The following SCNN1G variants were observed in gnomAD, a reference collection of about 807,000 sequenced individuals.
SCNN1G encodes the protein epithelial sodium channel subunit gamma.
SCNN1G carries 27 observed loss-of-function variants against 64.6 expected under a neutral mutation model. That is an observed-to-expected ratio of 0.42 (90% confidence interval 0.31 to 0.58). SCNN1G has a LOEUF of 0.58. Among genes scored for constraint, SCNN1G ranks in the 20% least tolerant of loss-of-function variants. The pLI, the probability that SCNN1G is intolerant of heterozygous loss-of-function variation, is 0.18. For synonymous variants in SCNN1G, 330 were observed against 314.2 expected, an observed-to-expected ratio of 1.05 and a Z score of -0.53; for missense variants, 743 against 823.4, an observed-to-expected ratio of 0.90 and a Z score of 1.19.
At position 23,183,664 on chromosome 16, in the gene SCNN1G, C is replaced by T. The variant is rs139698727; in HGVS notation, c.-45+851C>T. Among the ~76,000 whole-genome samples, 1,512 of 152,118 alleles carry T rather than the reference C, an allele frequency of 9.9e-3. 11 individuals are homozygous for T. Among genetic ancestry groups the T allele is most frequent in the South Asian group, 0.045 (217 of 4,810 alleles). On this transcript the variant is annotated intron_variant, in intron 1 of 12. Transcript: ENST00000300061. ...AACCTCTGTGCCTCAGTTTCCTTCT[C>T]TGTGAAATGGGCCAAGTAATAGCAC...
chr16:23,211,492 C>T lies in SCNN1G; in HGVS notation c.1177-542C>T, dbSNP rs192669838. On this transcript the variant is annotated intron_variant, in intron 7 of 12. Coordinates refer to ENST00000300061, the MANE Select transcript of SCNN1G (RefSeq NM_001039.4). ...AACTACTGCAGCCCCAGCTCAGCCC[C>T]ATCTCCATATCTCAGTTAGTCTAAA... 2.0e-4 allele frequency among the ~76,000 whole-genome samples: 31 copies of T among 152,320 alleles called. No individual in the cohort carries two copies. In the East Asian group the frequency reaches 5.6e-3, roughly 27 times the overall value.
rs1305857819 is a variant in SCNN1G, at chr16:23,215,841, GTTTCACCCACACT to G, written c.*373_*385del. On this transcript the variant is annotated 3_prime_UTR_variant, in exon 13 of 13. Transcript: ENST00000300061. ...CTCTTCCAAAGCCCCAAAGCCGAGG[GTTTCACCCACACT>G]GCCAGCCTGGGTTGGGGCCCAAGGA... 1 of 316,496 alleles carries G rather than the reference GTTTCACCCACACT, an allele frequency of 3.2e-6. No individual in the cohort carries two copies. The allele number at this position is 316,496 out of a possible 1,614,324, so 19.6% of individuals were successfully genotyped here. A position where few individuals can be genotyped will look rare whatever the true frequency, so the allele number is the denominator to read the frequency against.
intron 6 of SCNN1G, among the ~76,000 whole-genome samples, chr16:23,204,170 T>G (rs1959938574): frequency 6.7e-5 from 10 of 150,298 alleles, no homozygotes. Context: ...TCCCAGCTAC[T>G]TGGGAGGCTC....
chr16:23,193,244 G>A (rs1959741013), intron 4 of SCNN1G, among the ~76,000 whole-genome samples: 1 of 152,156 alleles, frequency 6.6e-6, no homozygotes, highest in Non-Finnish European at 1.5e-5. Flanking sequence ...GATGGAGGGA[G>A]GGATGGGAGG....
chr16:23,193,790 T>C (rs931440494), intron 4 of SCNN1G, among the ~76,000 whole-genome samples: 1 of 150,864 alleles, frequency 6.6e-6, no homozygotes, highest in African/African-American at 2.5e-5. Flanking sequence ...TCCAAAGTCA[T>C]GTAAGGGCAC....
intron 2 of SCNN1G, among the ~76,000 whole-genome samples, chr16:23,188,621 A>C (rs1250531301): frequency 6.6e-6 from 1 of 152,176 alleles, no homozygotes; most frequent in African/African-American, 2.4e-5. Context: ...CGTTTTACAA[A>C]GGAGAATGCT....
intron 12 of SCNN1G, 96 bp downstream of exon 12, chr16:23,214,883 G>A (rs1235163802): frequency 5.9e-6 from 7 of 1,188,308 alleles, no homozygotes; most frequent in Non-Finnish European, 7.5e-6. Flanking sequence ...GGGGGTTCCA[G>A]CCTACTCTAG....
In SCNN1G at chr16:23,202,442, AAAT is replaced by A. The variant is rs574731190; in HGVS notation, c.1077+5019_1077+5021del. On this transcript the variant is annotated intron_variant, in intron 6 of 12. Transcript: ENST00000300061. The stretch of plus-strand genomic sequence containing the variant: ...CAGAAGCTACTGGAGAAGGCTTTCT[AAAT>A]AATGGATTTAGAAGGACAAGTGCAG... Among the ~76,000 whole-genome samples the A allele has an allele frequency of 2.8e-3, 423 of 152,286 alleles. 1 individual carries two copies. Among genetic ancestry groups the A allele is most frequent in the Non-Finnish European group, 3.9e-3 (268 of 68,022 alleles).
At chr16:23,203,767 C>T (rs1959931304) in intron 6 of SCNN1G, among the ~76,000 whole-genome samples, 2 of 37,890 alleles carry the variant, frequency 5.3e-5, no homozygotes, top group Non-Finnish European at 9.3e-5. Flanking sequence ...GAGACTCCGT[C>T]TCAAAAAAAA....
intron 6 of SCNN1G, among the ~76,000 whole-genome samples, chr16:23,203,800 C>T (rs923694366): frequency 2.2e-5 from 3 of 133,458 alleles, no homozygotes; most frequent in African/African-American, 8.2e-5. Context: ...AAAAAAAGAG[C>T]TCTGATGGCT....
chr16:23,193,001 G>A (rs9937430), intron 4 of SCNN1G, among the ~76,000 whole-genome samples: 1,641 of 148,598 alleles, frequency 0.011, 26 homozygotes, highest in African/African-American at 0.035. Flanking sequence ...CCCGGGAGGC[G>A]GAGGTTGCAA....
At chr16:23,186,156 C>A in intron 1 of SCNN1G, 72 bp from the exon 2 acceptor site, 1 of 936,782 alleles carries the variant, frequency 1.1e-6, no homozygotes, top group Non-Finnish European at 1.7e-6. Context: ...GTTTCCCAGA[C>A]TGTGGTCTCC....
chr16:23,209,265 C>A (rs765275582), intron 6 of SCNN1G, among the ~76,000 whole-genome samples: 1 of 152,130 alleles, frequency 6.6e-6, no homozygotes, highest in Non-Finnish European at 1.5e-5. Context: ...GTAGCTGTGA[C>A]TACAGGTGTG....
Position 23,189,629 on chromosome 16 carries a change from T to A in SCNN1G, c.576T>A (p.Asn192Lys), listed in dbSNP as rs1001641230. 4 of 1,614,092 alleles carry A rather than the reference T, an allele frequency of 2.5e-6. No homozygotes were observed. Among genetic ancestry groups the A allele is most frequent in the African/African-American group, 2.7e-5 (2 of 74,948 alleles). The stretch of plus-strand genomic sequence containing the variant: ...GTAGCATCATTCACAAGGCTTCAAA[T>A]GTCATGCACATCGAGTCCAAGCAAG... ...VGGSIIHKASNVMHIESKQVV... is the reference protein window; with the variant it reads ...VGGSIIHKASKVMHIESKQVV... Residue 192 changes from asparagine to lysine, a missense_variant, in exon 3 of 13, where the codon AAT (asparagine) becomes AAA (lysine). Transcript: ENST00000300061.
At chr16:23,213,012 G>C in intron 10 of SCNN1G, 90 bp from the exon 11 acceptor site, 3 of 1,528,784 alleles carry the variant, frequency 2.0e-6, no homozygotes, top group Non-Finnish European at 1.8e-6. Flanking sequence ...ACCTTGTGGA[G>C]GCTGGGGGAC....
chr16:23,202,271 G>T (rs917232744), intron 6 of SCNN1G, among the ~76,000 whole-genome samples: 3 of 148,958 alleles, frequency 2.0e-5, no homozygotes, highest in East Asian at 3.9e-4. Context: ...TGGGTGGATG[G>T]ATGGATGGAT....
In SCNN1G at chr16:23,192,351, G is replaced by T; in HGVS notation, c.619-1G>T. ...AGCCTCGCATCTCCTCTTATTCACA[G>T]TGCTCAAATGACACCTCCGACTGTG... On this transcript the variant is annotated splice_acceptor_variant, in intron 3 of 12. Coordinates refer to ENST00000300061, the MANE Select transcript of SCNN1G (RefSeq NM_001039.4). LOFTEE classifies it high-confidence loss of function. 1 of 1,613,700 alleles carries T rather than the reference G, an allele frequency of 6.2e-7. No homozygotes were observed. The highest frequency in any genetic ancestry group is 8.5e-7 in the Non-Finnish European group (1 of 1,179,656).
rs75727452 is a variant in SCNN1G, at chr16:23,206,971, G to A, written c.1078-2779G>A. ...TTCTAGAAAACTGGAAGCTGGGGCC[G>A]AGGGAAGAGCATTCTGTCAAAGTTC... On this transcript the variant is annotated intron_variant, in intron 6 of 12. Transcript: ENST00000300061. Among the ~76,000 whole-genome samples, 751 of 152,292 alleles carry A rather than the reference G, an allele frequency of 4.9e-3. 3 individuals are homozygous for A. Among genetic ancestry groups the A allele is most frequent in the African/African-American group, 0.017 (714 of 41,564 alleles).
At chr16:23,195,014 C>T (rs1280431941) in intron 5 of SCNN1G, 1 of 152,412 alleles carries the variant, frequency 6.6e-6, no homozygotes, top group Admixed American at 6.5e-5. Context: ...CCTCAGATGG[C>T]CTTTCCTCTG....
Sources: gnomAD v4.1 joint callset for allele counts (sites outside exome capture counted in the v4.1 genomes callset) on GRCh38, gnomAD v4.1.1 for gene constraint, MANE v1.5 for transcripts, NCBI Gene and HGNC (gene_info 2026-07-23, HGNC 2026-07-21) for gene names.